Variants in NEXMIF observed in about 807,000 individuals in gnomAD.
The protein encoded by NEXMIF is XLMR protein related to neurite extension.
NEXMIF carries 8 observed loss-of-function variants against 62.1 expected under a neutral mutation model. The ratio of observed to expected loss-of-function variants is 0.13; its 90% CI spans 0.08 to 0.23. The LOEUF is 0.23. NEXMIF is among the 10% of genes least tolerant of loss of function. The pLI is 1.00. For missense variants in NEXMIF, 976 were observed against 1,113.3 expected (o/e 0.88, Z 1.75); for synonymous variants, 404 against 416.6 (o/e 0.97, Z 0.37).
intron 1 of NEXMIF, among the ~76,000 whole-genome samples, chrX:74,870,074 C>G (rs1042357729): frequency 9.0e-6 from 1 of 111,476 alleles, no homozygotes; most frequent in African/African-American, 3.3e-5. Context: ...TCAAATTATA[C>G]TACAGAGCTA....
chrX:74,837,287 A>C, intron 1 of NEXMIF, among the ~76,000 whole-genome samples: 1 of 111,611 alleles, frequency 9.0e-6, no homozygotes, highest in Middle Eastern at 4.6e-3. Flanking sequence ...TTTTTTTGTG[A>C]CAGTGCTTTC....
intron 1 of NEXMIF, among the ~76,000 whole-genome samples, chrX:74,924,349 C>T (rs1210385006): frequency 8.9e-6 from 1 of 112,681 alleles, no homozygotes; most frequent in Admixed American, 9.2e-5. Flanking sequence ...CCAACTTAAA[C>T]CTGTCCGCAG....
intron 1 of NEXMIF, among the ~76,000 whole-genome samples, chrX:74,749,141 A>C (rs1020326382): frequency 1.8e-5 from 2 of 111,395 alleles, no homozygotes; most frequent in African/African-American, 6.5e-5. Flanking sequence ...GAAAGTTGCT[A>C]TGGGAATCCC....
intron 1 of NEXMIF, among the ~76,000 whole-genome samples, chrX:74,858,901 A>G (rs917744883): frequency 9.1e-6 from 1 of 110,152 alleles, no homozygotes; most frequent in African/African-American, 3.3e-5. Context: ...TTTTAATAGC[A>G]GAATTGATCA....
intron 1 of NEXMIF, among the ~76,000 whole-genome samples, chrX:74,872,785 C>A (rs2080607688): frequency 9.2e-6 from 1 of 109,001 alleles, no homozygotes; most frequent in Non-Finnish European, 1.9e-5. Flanking sequence ...CTCATGTAAC[C>A]CATAAACATA....
At chrX:74,817,310 G>A (rs1030356066) in intron 1 of NEXMIF, among the ~76,000 whole-genome samples, 2 of 111,682 alleles carry the variant, frequency 1.8e-5, no homozygotes, top group Non-Finnish European at 3.8e-5. Context: ...TTAAACTGCC[G>A]GTTCCTATTG....
At chrX:74,873,836 GTTGT>G (rs1227384952) in intron 1 of NEXMIF, among the ~76,000 whole-genome samples, 31 of 111,267 alleles carry the variant, frequency 2.8e-4, no homozygotes, top group Non-Finnish European at 3.2e-4. Context: ...TTTTGATGGG[GTTGT>G]TTGTTTTTTT....
chrX:74,877,690 CTTTT>C (rs1417931107), intron 1 of NEXMIF, among the ~76,000 whole-genome samples: 1 of 111,196 alleles, frequency 9.0e-6, no homozygotes, highest in African/African-American at 3.3e-5. Context: ...TTGCTCGTTT[CTTTT>C]TATTCTTTTT....
intron 1 of NEXMIF, among the ~76,000 whole-genome samples, chrX:74,890,024 C>T (rs1444150017): frequency 9.2e-6 from 1 of 108,969 alleles, no homozygotes; most frequent in Non-Finnish European, 1.9e-5. Flanking sequence ...CTCTCTCTCT[C>T]TCTCTGCCCC....
chrX:74,883,320 G>C (rs906504188), intron 1 of NEXMIF, among the ~76,000 whole-genome samples: 5 of 111,508 alleles, frequency 4.5e-5, no homozygotes, highest in Non-Finnish European at 7.5e-5. Flanking sequence ...AGTTGAGAGA[G>C]GAAGGCTTCA....
chrX:74,924,193 C>G (rs1251534887), intron 1 of NEXMIF, among the ~76,000 whole-genome samples: 2 of 111,428 alleles, frequency 1.8e-5, no homozygotes, highest in East Asian at 5.7e-4. Flanking sequence ...GTACAAGACG[C>G]GAGCCGACGT....
intron 1 of NEXMIF, among the ~76,000 whole-genome samples, chrX:74,829,261 TTTGA>T (rs2147483093): frequency 8.9e-6 from 1 of 112,377 alleles, no homozygotes; most frequent in Non-Finnish European, 1.9e-5. Context: ...GTTTAATCGT[TTTGA>T]TTATTAGATC....
chrX:74,911,978 G>A (rs914630252), intron 1 of NEXMIF, among the ~76,000 whole-genome samples: 9 of 112,239 alleles, frequency 8.0e-5, no homozygotes, highest in African/African-American at 2.3e-4. Context: ...CATAGAGCCA[G>A]TAAGGGAAAA....
At chrX:74,763,414 T>G (rs2080184054) in intron 1 of NEXMIF, among the ~76,000 whole-genome samples, 1 of 112,055 alleles carries the variant, frequency 8.9e-6, no homozygotes, top group Non-Finnish European at 1.9e-5. Context: ...GCCTCCAGCT[T>G]TGTTCTTTTG....
At chrX:74,799,423 G>GCATA (rs1205085407) in intron 1 of NEXMIF, among the ~76,000 whole-genome samples, 1 of 110,937 alleles carries the variant, frequency 9.0e-6, no homozygotes, top group Non-Finnish European at 1.9e-5. Flanking sequence ...AGAAATACAT[G>GCATA]CATACATACA....
chrX:74,852,994 C>T (rs1433244989), intron 1 of NEXMIF, among the ~76,000 whole-genome samples: 1 of 109,928 alleles, frequency 9.1e-6, no homozygotes, highest in Non-Finnish European at 1.9e-5. Flanking sequence ...TACAAAGCAT[C>T]AACAAAATGA....
chrX:74,849,358 G>T (rs1049166677), intron 1 of NEXMIF, among the ~76,000 whole-genome samples: 2 of 112,480 alleles, frequency 1.8e-5, no homozygotes, highest in African/African-American at 6.5e-5. Flanking sequence ...AAAAGGGTAT[G>T]TGAGAAACCC....
In NEXMIF at chrX:74,900,246, C is replaced by T. The variant is rs935708913; in HGVS notation, c.-48+24637G>A. On this transcript the variant is annotated intron_variant, in intron 1 of 3. Transcript: ENST00000055682. Reference sequence around the variant, plus strand: ...TTGGGAGGGTGAGGCAGGCGGATCACGAGGTCAGGAGATCAAGACCAGCCT... The same window carrying T: ...TTGGGAGGGTGAGGCAGGCGGATCATGAGGTCAGGAGATCAAGACCAGCCT... Among the ~76,000 whole-genome samples, 9 of 110,236 alleles carry T rather than the reference C, an allele frequency of 8.2e-5. No homozygotes were observed. In the South Asian group the frequency reaches 2.7e-3, roughly 33 times the overall value.
intron 1 of NEXMIF, among the ~76,000 whole-genome samples, chrX:74,830,870 A>T (rs756887533): frequency 7.1e-4 from 79 of 111,994 alleles, no homozygotes; most frequent in Non-Finnish European, 1.4e-3. Flanking sequence ...CTTGGTATAT[A>T]GAAATGCTAC....
Sources: gnomAD v4.1 joint callset for allele counts (sites outside exome capture counted in the v4.1 genomes callset) on GRCh38, gnomAD v4.1.1 for gene constraint, MANE v1.5 for transcripts, NCBI Gene and HGNC (gene_info 2026-07-23, HGNC 2026-07-21) for gene names.